DNAH14: variants seen among roughly 807,000 people sequenced by gnomAD.
The protein encoded by DNAH14 is dynein axonemal heavy chain 14, also known as axonemal beta dynein heavy chain 14.
DNAH14 carries 478 observed loss-of-function variants against 520.9 expected under a neutral mutation model. That is an observed-to-expected ratio of 0.92 (90% CI 0.85 to 0.99). The LOEUF (loss-of-function observed/expected upper bound fraction) is 0.99, where lower values mean the gene tolerates loss of function less well. Ranked by LOEUF, DNAH14 falls within the 50% of genes least tolerant of loss-of-function variation. The pLI is 0.00. For synonymous variants in DNAH14, 1,581 were observed against 1,757.2 expected (o/e 0.90, Z 2.51); for missense variants, 4,831 against 5,234.5 (o/e 0.92, Z 2.38).
At chr1:225,014,857 T>A (rs2065084209) in intron 10 of DNAH14, among the ~76,000 whole-genome samples, 1 of 152,218 alleles carries the variant, frequency 6.6e-6, no homozygotes, top group Non-Finnish European at 1.5e-5. Flanking sequence ...TTGTTGGGCT[T>A]CTGTCTAGAT....
rs191993159 is a variant in DNAH14 at position 225,053,497 on chromosome 1, A to T, written c.2424+1702A>T. Among the ~76,000 whole-genome samples, 15 of 152,202 alleles carry T rather than the reference A, an allele frequency of 9.9e-5. No individual in the cohort carries two copies. The East Asian group carries it at 2.7e-3, about 27-fold the overall frequency. On this transcript the variant is annotated intron_variant, in intron 17 of 85. Coordinates refer to ENST00000682510, the MANE Select transcript of DNAH14 (RefSeq NM_001367479.1). ...TGATGTAATTTGCATTTTTGTGTGG[A>T]CCCTCTGGCTGCAGTGTGAAGAATA...
chr1:225,145,474 T>G, intron 30 of DNAH14, 95 bp downstream of exon 30: 2 of 1,013,722 alleles, frequency 2.0e-6, no homozygotes, highest in Non-Finnish European at 2.8e-6. Context: ...AATATTTATC[T>G]GAGACAAACA....
intron 53 of DNAH14, among the ~76,000 whole-genome samples, chr1:225,276,969 GGAAGGAAGGA>G (rs2093484904): frequency 1.8e-5 from 1 of 56,502 alleles, no homozygotes; most frequent in African/African-American, 8.6e-5. Context: ...AAGGAAGGAA[GGAAGGAAGGA>G]AGGAAGGGAG....
intron 35 of DNAH14, among the ~76,000 whole-genome samples, chr1:225,165,936 G>T (rs1022262213): frequency 6.6e-6 from 1 of 151,760 alleles, no homozygotes; most frequent in African/African-American, 2.4e-5. Flanking sequence ...TTTCCTTGTT[G>T]CTCTGTGAGA....
chr1:225,335,574 C>T lies in DNAH14; in HGVS notation c.10081-1692C>T, dbSNP rs116678336. On this transcript the variant is annotated intron_variant, in intron 66 of 85. Transcript: ENST00000682510. The stretch of plus-strand genomic sequence containing the variant: ...ATACATATGTACATCTATGTATATA[C>T]GCATATGTGCATATATGTATATACG... 5.7e-5 allele frequency among the ~76,000 whole-genome samples: 3 copies of T among 52,868 alleles called. 1 individual carries two copies. Among genetic ancestry groups the T allele is most frequent in the East Asian group, 1.0e-3 (1 of 998 alleles). 34.7% of individuals were successfully genotyped at this position (52,868 alleles called of 152,430 possible).
chr1:225,227,652 C>T (rs2090669829), intron 41 of DNAH14, among the ~76,000 whole-genome samples: 1 of 152,110 alleles, frequency 6.6e-6, no homozygotes, highest in Non-Finnish European at 1.5e-5. Flanking sequence ...GTTTCATAGT[C>T]ACATCCCATT....
chr1:225,022,210 A>G (rs1387303201), intron 10 of DNAH14, among the ~76,000 whole-genome samples: 1 of 152,210 alleles, frequency 6.6e-6, no homozygotes, highest in African/African-American at 2.4e-5. Context: ...TTTATGACCT[A>G]GTCCCCAAAT....
At chr1:224,989,604 G>A (rs1355067751) in intron 8 of DNAH14, among the ~76,000 whole-genome samples, 3 of 151,976 alleles carry the variant, frequency 2.0e-5, no homozygotes, top group African/African-American at 7.3e-5. Context: ...GCATTATGTC[G>A]AATAAGTGGT....
intron 41 of DNAH14, among the ~76,000 whole-genome samples, chr1:225,210,717 C>A (rs2088261204): frequency 6.6e-6 from 1 of 152,160 alleles, no homozygotes; most frequent in Non-Finnish European, 1.5e-5. Context: ...GATAAACCTC[C>A]CAGCAGGGGC....
In DNAH14 at chr1:225,038,919, G is replaced by A. The variant is rs566296719; in HGVS notation, c.1488+96G>A. The A allele has an allele frequency of 5.3e-6, 6 of 1,139,462 alleles. 1 individual carries two copies. Among genetic ancestry groups the A allele is most frequent in the Non-Finnish European group, 7.2e-6 (6 of 837,990 alleles). The allele number at this position is 1,139,462 out of a possible 1,614,324, so 70.6% of individuals were successfully genotyped here. A position where few individuals can be genotyped will look rare whatever the true frequency, so the allele number is the denominator to read the frequency against. On this transcript the variant is annotated intron_variant, in intron 12 of 85. Coordinates refer to ENST00000682510, the MANE Select transcript of DNAH14 (RefSeq NM_001367479.1). ...TGTGATTTATGATTAATACCCACAA[G>A]CCCTTACCCAACATACCCTCGCCAA...
intron 7 of DNAH14, among the ~76,000 whole-genome samples, chr1:224,970,684 G>A (rs1572141188): frequency 1.3e-5 from 2 of 152,230 alleles, no homozygotes; most frequent in Admixed American, 1.3e-4. Context: ...AATATTGGGG[G>A]TGAATTTTGC....
At chr1:225,140,637 T>A in intron 27 of DNAH14, 131 bp from the exon 28 acceptor site, 2 of 728,548 alleles carry the variant, frequency 2.7e-6, no homozygotes, top group South Asian at 5.2e-5. Flanking sequence ...GTGTAAGGTC[T>A]CTTACACAAA....
intron 27 of DNAH14, among the ~76,000 whole-genome samples, chr1:225,128,023 G>A (rs912602604): frequency 2.0e-5 from 3 of 152,154 alleles, no homozygotes; most frequent in Admixed American, 1.3e-4. Context: ...CTTTAAGAAT[G>A]TTGAATATTG....
intron 2 of DNAH14, among the ~76,000 whole-genome samples, chr1:224,953,591 A>G (rs1448565686): frequency 6.6e-6 from 1 of 152,186 alleles, no homozygotes; most frequent in African/African-American, 2.4e-5. Context: ...TGCTGTAGAA[A>G]CAAGGATACA....
chr1:225,292,926 T>C (rs1158970457), intron 55 of DNAH14, among the ~76,000 whole-genome samples: 1 of 152,126 alleles, frequency 6.6e-6, no homozygotes, highest in Non-Finnish European at 1.5e-5. Flanking sequence ...ATAGAAACAT[T>C]ACTGATTTTT....
chr1:224,974,453 C>A (rs2061681734), intron 8 of DNAH14, among the ~76,000 whole-genome samples: 1 of 152,234 alleles, frequency 6.6e-6, no homozygotes, highest in South Asian at 2.1e-4. Context: ...CAACAGTAAT[C>A]TTATTTTGTT....
At position 225,270,832 on chromosome 1, in the gene DNAH14, A is replaced by G; in HGVS notation, c.7637A>G (p.His2546Arg). ...CACTTTTCCATGCTGGTATTACCTC[A>G]TCCTTCACAAGACATCTTATGTACT... Reference protein sequence around the residue: ...LKHFSMLVLPHPSQDILCTIF... With the variant: ...LKHFSMLVLPRPSQDILCTIF... The change falls in exon 50 of 86, where the codon CAT becomes CGT. Residue 2546 changes from histidine (H) to arginine (R), a missense_variant. By Grantham distance (29) the His-to-Arg change is conservative. Transcript: ENST00000682510. The G allele has an allele frequency of 6.4e-7, 1 of 1,551,320 alleles. No individual in the cohort carries two copies. Among genetic ancestry groups the G allele is most frequent in the Non-Finnish European group, 8.7e-7 (1 of 1,146,816 alleles).
intron 8 of DNAH14, among the ~76,000 whole-genome samples, chr1:224,977,961 G>T (rs2125676825): frequency 6.6e-6 from 1 of 152,264 alleles, no homozygotes; most frequent in Middle Eastern, 3.4e-3. Context: ...AAACCACAAT[G>T]AGATATCACC....
rs527643603 is a variant in DNAH14 at position 225,025,437 on chromosome 1, G to A, written c.1358+1572G>A. On this transcript the variant is annotated intron_variant, in intron 11 of 85. Coordinates refer to ENST00000682510, the MANE Select transcript of DNAH14 (RefSeq NM_001367479.1). Reference sequence around the variant, plus strand: ...TAGTTGAGCTATTAACCCAACAGAGGTTGAATAAATTTGGCTGGGCATGGT... The same window carrying A: ...TAGTTGAGCTATTAACCCAACAGAGATTGAATAAATTTGGCTGGGCATGGT... Among the ~76,000 whole-genome samples, 15 of 150,766 alleles carry A rather than the reference G, an allele frequency of 9.9e-5. No individual in the cohort carries two copies. In the South Asian group the frequency reaches 2.8e-3, roughly 28 times the overall value.
Sources: allele counts gnomAD v4.1 joint callset (sites outside exome capture counted in the v4.1 genomes callset), GRCh38; gene constraint gnomAD v4.1.1; transcripts MANE v1.5; gene names NCBI Gene and HGNC (gene_info 2026-07-23, HGNC 2026-07-21).